Variants in LINGO2 observed in about 807,000 individuals in gnomAD.
The protein encoded by LINGO2 is leucine rich repeat and Ig domain containing 2, also known as leucine-rich repeat and immunoglobulin-like domain-containing nogo receptor-interacting protein 2.
LINGO2 carries 14 observed loss-of-function variants against 30.6 expected under a neutral mutation model. That is an observed-to-expected ratio of 0.46 (90% CI 0.30 to 0.72). LINGO2 has a LOEUF of 0.72. LINGO2 is among the 30% of genes least tolerant of loss of function. The probability of loss-of-function intolerance (pLI) is 0.07; values close to 1 mark genes in which losing one functional copy is unlikely to be tolerated. For synonymous variants in LINGO2, 317 were observed against 288.5 expected (o/e 1.10, Z -1.00); for missense variants, 729 against 751.7 (o/e 0.97, Z 0.35).
the LINGO2 span, among the ~76,000 whole-genome samples, chr9:29,141,886 C>A: frequency 6.6e-6 from 1 of 151,868 alleles, no homozygotes; most frequent in Non-Finnish European, 1.5e-5. Context: ...TATGCACTCA[C>A]TAGCAGAGCA....
chr9:28,040,133 C>A (rs531127295), intron 4 of LINGO2, among the ~76,000 whole-genome samples: 27 of 152,280 alleles, frequency 1.8e-4, no homozygotes, highest in South Asian at 1.0e-3. Context: ...TCACTCCCTT[C>A]CTTATAAACT....
chr9:28,570,194 G>A (rs1462420237), intron 1 of LINGO2, among the ~76,000 whole-genome samples: 4 of 151,880 alleles, frequency 2.6e-5, no homozygotes, highest in Non-Finnish European at 5.9e-5. Flanking sequence ...TAGATACAAT[G>A]TCATATAATA....
rs1355303365 is a variant in LINGO2 at position 28,228,268 on chromosome 9, C to T, written c.-87+66940G>A. On this transcript the variant is annotated intron_variant, in intron 4 of 5. Coordinates refer to ENST00000379992, the Ensembl canonical transcript of LINGO2. ...ACCTGTATTTTATGACTTTGGAAGGCAGTTCTACCTCCATTTTTAGAAAGC... is the reference window on the plus strand; with the variant it reads ...ACCTGTATTTTATGACTTTGGAAGGTAGTTCTACCTCCATTTTTAGAAAGC... Among the ~76,000 whole-genome samples the T allele has an allele frequency of 2.0e-5, 3 of 151,956 alleles. No individual in the cohort carries two copies. In the East Asian group the frequency reaches 5.8e-4, roughly 29 times the overall value.
the LINGO2 span, among the ~76,000 whole-genome samples, chr9:28,780,232 C>T: frequency 6.6e-6 from 1 of 152,234 alleles, no homozygotes; most frequent in South Asian, 2.1e-4. Context: ...TCCCTGTACT[C>T]GGTCTTGCTC....
chr9:28,936,169 T>TA, the LINGO2 span, among the ~76,000 whole-genome samples: 1 of 152,192 alleles, frequency 6.6e-6, no homozygotes, highest in Non-Finnish European at 1.5e-5. Flanking sequence ...AATGAAGTCA[T>TA]AAGGAGACTA....
chr9:28,614,077 T>C (rs1457389758), intron 1 of LINGO2, among the ~76,000 whole-genome samples: 1 of 152,178 alleles, frequency 6.6e-6, no homozygotes, highest in Non-Finnish European at 1.5e-5. Context: ...AGATCATTTA[T>C]AATAAATGAA....
intron 3 of LINGO2, among the ~76,000 whole-genome samples, chr9:28,348,387 G>A (rs768087504): frequency 2.8e-4 from 43 of 152,012 alleles, no homozygotes; most frequent in Admixed American, 3.3e-4. Context: ...AAGGGGTGAC[G>A]GACTGCACCT....
chr9:27,966,643 C>T (rs1012051493), intron 5 of LINGO2, among the ~76,000 whole-genome samples: 2 of 151,980 alleles, frequency 1.3e-5, no homozygotes, highest in Admixed American at 6.6e-5. Flanking sequence ...ACCTAGATGA[C>T]AGGTTGATAG....
chr9:28,207,786 G>C (rs1350966203), intron 4 of LINGO2, among the ~76,000 whole-genome samples: 5 of 152,216 alleles, frequency 3.3e-5, no homozygotes, highest in African/African-American at 9.6e-5. Flanking sequence ...TTGGTGCCAT[G>C]CCTAAAAATA....
At chr9:28,254,592 C>A (rs1394107980) in intron 4 of LINGO2, among the ~76,000 whole-genome samples, 1 of 151,980 alleles carries the variant, frequency 6.6e-6, no homozygotes, top group Non-Finnish European at 1.5e-5. Context: ...CACTTTAAAT[C>A]CCATGAGAAG....
At chr9:28,545,099 G>C (rs1250035770) in intron 1 of LINGO2, among the ~76,000 whole-genome samples, 2 of 151,940 alleles carry the variant, frequency 1.3e-5, no homozygotes, top group African/African-American at 4.8e-5. Flanking sequence ...GCTTGCTAAG[G>C]GTTTTTAGCT....
At chr9:28,350,063 C>G (rs1483393504) in intron 3 of LINGO2, among the ~76,000 whole-genome samples, 2 of 151,590 alleles carry the variant, frequency 1.3e-5, no homozygotes, top group Non-Finnish European at 2.9e-5. Context: ...ATGTAAAGAC[C>G]ATTGAGACTA....
chr9:28,875,265 T>A, the LINGO2 span, among the ~76,000 whole-genome samples: 2 of 152,116 alleles, frequency 1.3e-5, 1 homozygote, highest in Non-Finnish European at 2.9e-5. Flanking sequence ...TTTTGCCACA[T>A]CTGCTTCATC....
At chr9:28,201,776 C>T (rs1019714112) in intron 4 of LINGO2, among the ~76,000 whole-genome samples, 1 of 151,948 alleles carries the variant, frequency 6.6e-6, no homozygotes, top group Non-Finnish European at 1.5e-5. Flanking sequence ...CATCCTTTCT[C>T]CCCTCTCTTT....
chr9:28,148,968 C>A lies in LINGO2; in HGVS notation c.-86-136563G>T. 1 of 1,534,026 alleles carries A rather than the reference C, an allele frequency of 6.5e-7. No individual in the cohort carries two copies. Among genetic ancestry groups the A allele is most frequent in the African/African-American group, 1.4e-5 (1 of 73,084 alleles). On this transcript the variant is annotated intron_variant, in intron 4 of 5. Coordinates refer to ENST00000379992, the Ensembl canonical transcript of LINGO2. This position sits in a 1 kb window ranked among gnomAD's most constrained non-coding sequence, Gnocchi z 5.1. Reference sequence around the variant, plus strand: ...CACAGTTCCCACAAAAGAAAACTGTCGGGGCCACCGCTGCAGCTGCAACCG... The same window carrying A: ...CACAGTTCCCACAAAAGAAAACTGTAGGGGCCACCGCTGCAGCTGCAACCG...
At chr9:29,091,678 C>T in the LINGO2 span, among the ~76,000 whole-genome samples, 2 of 152,002 alleles carry the variant, frequency 1.3e-5, no homozygotes, top group Non-Finnish European at 2.9e-5. Flanking sequence ...GTCCACAGGA[C>T]AGTCCAAGAA....
At chr9:28,992,747 C>T in the LINGO2 span, among the ~76,000 whole-genome samples, 1 of 152,094 alleles carries the variant, frequency 6.6e-6, no homozygotes, top group African/African-American at 2.4e-5. Flanking sequence ...AACTGAACAA[C>T]CTGCTCCTGA....
At chr9:28,512,595 A>G (rs1458082200) in intron 1 of LINGO2, among the ~76,000 whole-genome samples, 13 of 1,862 alleles carry the variant, frequency 7.0e-3, no homozygotes, top group African/African-American at 0.01. Context: ...ATATGTGTGT[A>G]TATATATATA....
chr9:28,549,771 A>T (rs1252613425), intron 1 of LINGO2, among the ~76,000 whole-genome samples: 6 of 151,846 alleles, frequency 4.0e-5, no homozygotes, highest in Non-Finnish European at 8.8e-5. Context: ...TACATATAAC[A>T]GATAAATTTT....
Sources: gnomAD v4.1 joint callset for allele counts (sites outside exome capture counted in the v4.1 genomes callset) on GRCh38, gnomAD v4.1.1 for gene constraint, Gnocchi (gnomAD v3.1) non-coding constraint, MANE v1.5 for transcripts, NCBI Gene and HGNC (gene_info 2026-07-23, HGNC 2026-07-21) for gene names.